The following SLC36A1 variants were observed in gnomAD, a reference collection of about 807,000 sequenced individuals.
The protein encoded by SLC36A1 is solute carrier family 36 member 1.
Under a neutral mutation model 47.5 loss-of-function variants are expected in SLC36A1, and 30 were observed. The ratio of observed to expected loss-of-function variants is 0.63; its 90% CI spans 0.47 to 0.86. The LOEUF (loss-of-function observed/expected upper bound fraction) is 0.86, where lower values mean the gene tolerates loss of function less well. Among genes scored for constraint, SLC36A1 ranks in the 40% least tolerant of loss-of-function variants. The pLI is 0.00. For synonymous variants in SLC36A1, 255 were observed against 249.7 expected, an observed-to-expected ratio of 1.02 and a Z score of -0.20; for missense variants, 517 against 606.0, an observed-to-expected ratio of 0.85 and a Z score of 1.54.
chr5:151,383,417 T>A, the SLC36A1 span, among the ~76,000 whole-genome samples: 3 of 152,144 alleles, frequency 2.0e-5, no homozygotes, highest in African/African-American at 7.2e-5. Context: ...TTCACATTTG[T>A]CATACAGCTT....
chr5:151,430,634 C>T, the SLC36A1 span, among the ~76,000 whole-genome samples: 1 of 152,120 alleles, frequency 6.6e-6, no homozygotes, highest in Non-Finnish European at 1.5e-5. Flanking sequence ...GTAGAATTAG[C>T]TAACCCTTTA....
At chr5:151,543,938 G>C in the SLC36A1 span, 1 of 1,614,130 alleles carries the variant, frequency 6.2e-7, no homozygotes, top group Non-Finnish European at 8.5e-7. Flanking sequence ...TTAAGAACCA[G>C]GTGTCCACAG....
At chr5:151,363,220 C>T in the SLC36A1 span, among the ~76,000 whole-genome samples, 5 of 152,298 alleles carry the variant, frequency 3.3e-5, no homozygotes, top group African/African-American at 4.8e-5. Context: ...GGGATAGCCA[C>T]GCAGTGTGGG....
chr5:151,522,806 C>T, the SLC36A1 span, among the ~76,000 whole-genome samples: 5 of 152,212 alleles, frequency 3.3e-5, no homozygotes, highest in South Asian at 2.1e-4. Context: ...ACAGCACAGA[C>T]GGGGTCACTG....
the SLC36A1 span, among the ~76,000 whole-genome samples, chr5:151,364,117 T>A: frequency 6.6e-6 from 1 of 152,224 alleles, no homozygotes. Flanking sequence ...CTAGTTTTGA[T>A]AAATTTTAAC....
At chr5:151,424,197 A>G in the SLC36A1 span, among the ~76,000 whole-genome samples, 1 of 152,166 alleles carries the variant, frequency 6.6e-6, no homozygotes, top group Non-Finnish European at 1.5e-5. Context: ...CTGGCAATAA[A>G]AGTACATTAT....
At chr5:151,391,851 G>A in the SLC36A1 span, among the ~76,000 whole-genome samples, 13 of 152,168 alleles carry the variant, frequency 8.5e-5, 1 homozygote, top group Non-Finnish European at 1.5e-5. Context: ...AGGGATATTG[G>A]TCTAAAATTT....
rs1379193602 is a variant in SLC36A1 at position 151,479,455 on chromosome 5, C to A, written c.1125C>A (p.Asp375Glu). 6.2e-7 allele frequency: 1 copy of A among 1,614,166 alleles called. No homozygotes were observed. Among genetic ancestry groups the A allele is most frequent in the Admixed American group, 1.7e-5 (1 of 60,022 alleles). The change falls in exon 10 of 11, where the codon GAC becomes GAA. Residue 375 changes from aspartate to glutamate, a missense_variant. Transcript: ENST00000243389. ...RAPEHCELVV[D>E]LFVRTVLVCL... ...CCGAGCACTGTGAGTTAGTGGTGGA[C>A]CTGTTTGTGCGCACAGTGCTGGTCT... is the stretch of plus-strand genomic sequence containing the variant.
At chr5:151,399,338 C>T in the SLC36A1 span, among the ~76,000 whole-genome samples, 248 of 151,838 alleles carry the variant, frequency 1.6e-3, 1 homozygote, top group Non-Finnish European at 2.6e-3. Context: ...CTGCCCACCT[C>T]GGCCTCTCAA....
chr5:151,345,083 G>A, the SLC36A1 span, among the ~76,000 whole-genome samples: 2 of 152,126 alleles, frequency 1.3e-5, no homozygotes, highest in African/African-American at 4.8e-5. Context: ...GGAGGACAAA[G>A]TCTAAACCAT....
At chr5:151,345,563 G>A in the SLC36A1 span, among the ~76,000 whole-genome samples, 1 of 152,296 alleles carries the variant, frequency 6.6e-6, no homozygotes, top group South Asian at 2.1e-4. Context: ...GAGAAAGGGG[G>A]TGGAGAGTCC....
the SLC36A1 span, among the ~76,000 whole-genome samples, chr5:151,384,119 C>T: frequency 6.7e-6 from 1 of 149,306 alleles, no homozygotes; most frequent in African/African-American, 2.5e-5. Flanking sequence ...TTGTATCTTC[C>T]AAAAAAAAAA....
At chr5:151,533,558 C>A in the SLC36A1 span, among the ~76,000 whole-genome samples, 1 of 152,064 alleles carries the variant, frequency 6.6e-6, no homozygotes, top group East Asian at 1.9e-4. Flanking sequence ...TCTAGGAAAT[C>A]TTAATTTTAC....
At chr5:151,510,103 C>CAA in the SLC36A1 span, 1 of 1,614,156 alleles carries the variant, frequency 6.2e-7, no homozygotes, top group Non-Finnish European at 8.5e-7. Flanking sequence ...AGGCAGGGTG[C>CAA]AAAAGTACAG....
the SLC36A1 span, chr5:151,546,041 C>T: frequency 6.2e-7 from 1 of 1,614,042 alleles, no homozygotes; most frequent in African/African-American, 1.3e-5. Context: ...TTATTTCCCT[C>T]TCTTAACTCA....
At chr5:151,385,015 T>TGTGTGTGTGTGTGG in the SLC36A1 span, among the ~76,000 whole-genome samples, 1 of 118,586 alleles carries the variant, frequency 8.4e-6, no homozygotes, top group Non-Finnish European at 1.8e-5. Flanking sequence ...AGAGAGTGTG[T>TGTGTGTGTGTGTGG]GTGTGTGTGT....
chr5:151,367,588 TCAAA>T, the SLC36A1 span, among the ~76,000 whole-genome samples: 1 of 152,110 alleles, frequency 6.6e-6, no homozygotes, highest in Non-Finnish European at 1.5e-5. Context: ...TTCATATTGT[TCAAA>T]CACACGTTTT....
chr5:151,524,767 C>G, the SLC36A1 span, among the ~76,000 whole-genome samples: 1 of 152,154 alleles, frequency 6.6e-6, no homozygotes, highest in Non-Finnish European at 1.5e-5. Context: ...ATACCTCAAG[C>G]CACTTCAGGC....
At chr5:151,513,487 A>G in the SLC36A1 span, among the ~76,000 whole-genome samples, 1 of 152,182 alleles carries the variant, frequency 6.6e-6, no homozygotes, top group Admixed American at 6.5e-5. Flanking sequence ...GCAAACTAAC[A>G]CAGGAACAGG....
Sources: allele counts gnomAD v4.1 joint callset (sites outside exome capture counted in the v4.1 genomes callset), GRCh38; gene constraint gnomAD v4.1.1; transcripts MANE v1.5; gene names NCBI Gene and HGNC (gene_info 2026-07-23, HGNC 2026-07-21).